NPHP4: variants seen among roughly 807,000 people sequenced by gnomAD.
NPHP4 encodes the protein nephrocystin-4.
Under a neutral mutation model 155.8 loss-of-function variants are expected in NPHP4, and 151 were observed. The observed-to-expected ratio is 0.97, with a 90% CI of 0.85 to 1.11. The LOEUF is 1.11. NPHP4 is among the 50% of genes least tolerant of loss of function. The pLI is 0.00. For synonymous variants in NPHP4, 845 were observed against 816.8 expected, an observed-to-expected ratio of 1.03 and a Z score of -0.59; for missense variants, 1,956 against 1,925.7, an observed-to-expected ratio of 1.02 and a Z score of -0.29.
At chr1:5,888,294 G>A (rs927678431) in intron 17 of NPHP4, 4 of 978,616 alleles carry the variant, frequency 4.1e-6, no homozygotes, top group Non-Finnish European at 4.9e-6. Context: ...ACGGCCTCAC[G>A]GCTGTGCCCC....
At chr1:5,901,613 T>C (rs1027745642) in intron 16 of NPHP4, among the ~76,000 whole-genome samples, 1 of 152,228 alleles carries the variant, frequency 6.6e-6, no homozygotes, top group Admixed American at 6.5e-5. Context: ...TGGAAAGGGG[T>C]TTATATTCAA....
At chr1:5,873,198 C>T (rs1642190328) in intron 23 of NPHP4, 54 bp downstream of exon 23, 1 of 1,461,596 alleles carries the variant, frequency 6.8e-7, no homozygotes. Context: ...AGGGTCAGGC[C>T]CTGGGAATAC....
In NPHP4 at chr1:5,863,402, C is replaced by T. The variant is rs761124428; in HGVS notation, c.4144G>A (p.Gly1382Arg). Residue 1382 changes from glycine (G) to arginine (R), a missense_variant, in exon 30 of 30, where the codon GGG (glycine) becomes AGG (arginine). Coordinates refer to ENST00000378156, the MANE Select transcript of NPHP4 (RefSeq NM_015102.5). ...CCGATGGTGTAGGTCTCTCCACCCC[C>T]GACCTGGAAATAAGCATCCAAATCC... ...LRFREDSFQV[G>R]GGETYTIGLQ... 13 of 1,612,488 alleles carry T rather than the reference C, an allele frequency of 8.1e-6. No homozygotes were observed. The highest frequency in any genetic ancestry group is 7.7e-5 in the South Asian group (7 of 91,050).
chr1:5,972,928 G>C (rs11585166), intron 3 of NPHP4, among the ~76,000 whole-genome samples: 26,170 of 151,810 alleles, frequency 0.17, 2,358 homozygotes, highest in African/African-American at 0.22. Context: ...CTATCACCCA[G>C]GCTGGAGTGC....
At chr1:5,964,941 A>ATATATATATTTTTTTTTTTTTTTTTTTTT in intron 5 of NPHP4, among the ~76,000 whole-genome samples, 1 of 59,428 alleles carries the variant, frequency 1.7e-5, no homozygotes, top group African/African-American at 8.5e-5. Flanking sequence ...ATATATATAT[A>ATATATATATTTTTTTTTTTTTTTTTTTTT]TTTTTTTTTT....
intron 19 of NPHP4, 109 bp downstream of exon 19, chr1:5,880,003 GCA>G (rs878992194): frequency 1.2e-3 from 1,465 of 1,238,398 alleles, no homozygotes; most frequent in Non-Finnish European, 1.3e-3. Flanking sequence ...CACGAATGGT[GCA>G]CACACACACA....
At position 5,889,737 on chromosome 1, in the gene NPHP4, G is replaced by A. The variant is rs147315414; in HGVS notation, c.2304+1131C>T. Among the ~76,000 whole-genome samples, 40 of 152,336 alleles carry A rather than the reference G, an allele frequency of 2.6e-4. No homozygotes were observed. The highest frequency in any genetic ancestry group is 9.1e-4 in the African/African-American group (38 of 41,576). ...CAAAGCCAGCATGGGAGACGGACAAGCAAGGGCCACGATGACCCTGTGGGG... is the reference window on the plus strand; with the variant it reads ...CAAAGCCAGCATGGGAGACGGACAAACAAGGGCCACGATGACCCTGTGGGG... On this transcript the variant is annotated intron_variant, in intron 17 of 29. Coordinates refer to ENST00000378156, the MANE Select transcript of NPHP4 (RefSeq NM_015102.5). The surrounding 1 kb of genome is among the most constrained non-coding windows in gnomAD (Gnocchi z 4.2).
chr1:5,890,970 C>T lies in NPHP4; in HGVS notation c.2202G>A (p.Glu734=). 1 of 1,590,726 alleles carries T rather than the reference C, an allele frequency of 6.3e-7. No homozygotes were observed. Among genetic ancestry groups the T allele is most frequent in the Non-Finnish European group, 8.6e-7 (1 of 1,162,328 alleles). Residue 734 remains glutamate (E), a synonymous_variant, in exon 17 of 30, where the codon GAG becomes GAA. Transcript: ENST00000378156. The surrounding 1 kb of genome is among the most constrained non-coding windows in gnomAD (Gnocchi z 4.9). ...MVGPGFLKPG[E]RRCFARYLAV... is the part of the protein sequence containing the mutation. ...CCAGGTAGCGGGCAAAGCAGCGCCG[C>T]TCACCTGGCTTCAGGAACCCAGGGC...
At chr1:5,883,674 T>TCCTATAC (rs1161337607) in intron 18 of NPHP4, among the ~76,000 whole-genome samples, 1 of 152,182 alleles carries the variant, frequency 6.6e-6, no homozygotes, top group Non-Finnish European at 1.5e-5. Flanking sequence ...AGTGGGTTCA[T>TCCTATAC]CCTATACCCG....
intron 5 of NPHP4, among the ~76,000 whole-genome samples, chr1:5,964,322 T>C (rs991865188): frequency 1.3e-5 from 2 of 152,172 alleles, no homozygotes; most frequent in Non-Finnish European, 2.9e-5. Flanking sequence ...CCTTTATCTA[T>C]GGGTACAGCT....
chr1:5,977,373 T>G (rs111393910), intron 3 of NPHP4, among the ~76,000 whole-genome samples: 1 of 152,154 alleles, frequency 6.6e-6, no homozygotes, highest in Non-Finnish European at 1.5e-5. Context: ...GGAGTCAGTT[T>G]CTTTCTCATC....
intron 18 of NPHP4, among the ~76,000 whole-genome samples, chr1:5,883,682 C>A (rs1643513074): frequency 1.3e-5 from 2 of 152,340 alleles, no homozygotes; most frequent in Middle Eastern, 6.8e-3. Context: ...CATCCTATAC[C>A]CGGGGCAGCC....
chr1:5,905,318 C>T lies in NPHP4; in HGVS notation c.1929G>A (p.Met643Ile), dbSNP rs779995407. The T allele has an allele frequency of 3.7e-6, 6 of 1,613,772 alleles. No homozygotes were observed. In the East Asian group the frequency reaches 6.7e-5, roughly 18 times the overall value. The change falls in exon 15 of 30, where the codon ATG becomes ATA. Residue 643 changes from methionine (M) to isoleucine (I), a missense_variant. Transcript: ENST00000378156. The surrounding 1 kb of genome is among the most constrained non-coding windows in gnomAD (Gnocchi z 4.0). Reference sequence around the variant, plus strand: ...TGCTAAAGGCAAGAAACTGTAGCACCATCTCGTTGCTTTGTAGACAATCTG... The same window carrying T: ...TGCTAAAGGCAAGAAACTGTAGCACTATCTCGTTGCTTTGTAGACAATCTG... ...EESDCLQSNE[M>I]VLQFLAFSRV...
intron 16 of NPHP4, among the ~76,000 whole-genome samples, chr1:5,904,059 G>C (rs893896041): frequency 2.0e-5 from 3 of 152,182 alleles, no homozygotes; most frequent in African/African-American, 7.2e-5. Flanking sequence ...TACAAAAACA[G>C]AATCCAGACT....
chr1:5,875,692 G>C (rs1168263674), intron 20 of NPHP4, among the ~76,000 whole-genome samples: 2 of 152,348 alleles, frequency 1.3e-5, no homozygotes, highest in East Asian at 3.9e-4. Flanking sequence ...TGTTTTTCCT[G>C]TGGGACTTAC....
intron 27 of NPHP4, 78 bp downstream of exon 27, chr1:5,865,024 G>T: frequency 6.9e-7 from 1 of 1,448,278 alleles, no homozygotes; most frequent in Non-Finnish European, 9.7e-7. Flanking sequence ...CACCCACTGT[G>T]CTCCAGCTGA....
chr1:5,864,645 C>CT (rs1361804130), intron 27 of NPHP4, 128 bp from the exon 28 acceptor site: 2 of 831,324 alleles, frequency 2.4e-6, no homozygotes, highest in Non-Finnish European at 3.7e-6. Context: ...GCGGCCAAAT[C>CT]TGAGGCCACA....
chr1:5,930,449 C>G (rs1243622904), intron 10 of NPHP4, among the ~76,000 whole-genome samples: 1 of 152,170 alleles, frequency 6.6e-6, no homozygotes, highest in Non-Finnish European at 1.5e-5. Flanking sequence ...CATATTTGAG[C>G]TGCATCCTAC....
At chr1:5,950,388 C>T (rs1474040587) in intron 7 of NPHP4, among the ~76,000 whole-genome samples, 2 of 152,188 alleles carry the variant, frequency 1.3e-5, no homozygotes, top group African/African-American at 4.8e-5. Context: ...AACTCCGCCT[C>T]CACCCCCAGG....
Sources: gnomAD v4.1 joint callset for allele counts (sites outside exome capture counted in the v4.1 genomes callset) on GRCh38, gnomAD v4.1.1 for gene constraint, Gnocchi (gnomAD v3.1) non-coding constraint, MANE v1.5 for transcripts, NCBI Gene and HGNC (gene_info 2026-07-23, HGNC 2026-07-21) for gene names.